LYPLA1: variants seen among roughly 807,000 people sequenced by gnomAD.
The protein encoded by LYPLA1 is lysophospholipase 1.
In LYPLA1, 17 loss-of-function variants were observed where a neutral mutation model predicts 34.0. The ratio of observed to expected loss-of-function variants is 0.50; its 90% CI spans 0.34 to 0.75. The LOEUF is 0.75. LYPLA1 is among the 30% of genes least tolerant of loss of function. LYPLA1 has a pLI of 0.01. For missense variants in LYPLA1, 203 were observed against 288.8 expected, an observed-to-expected ratio of 0.70 and a Z score of 2.15; for synonymous variants, 98 against 100.8, an observed-to-expected ratio of 0.97 and a Z score of 0.17.
chr8:54,099,119 A>G (rs1052042083), intron 2 of LYPLA1, among the ~76,000 whole-genome samples: 4 of 145,880 alleles, frequency 2.7e-5, no homozygotes, highest in African/African-American at 1.1e-4. Context: ...ATCTGCCTAG[A>G]CTGAAGTTTT....
At chr8:54,055,377 C>A (rs1346007667) in intron 5 of LYPLA1, among the ~76,000 whole-genome samples, 1 of 151,738 alleles carries the variant, frequency 6.6e-6, no homozygotes, top group Non-Finnish European at 1.5e-5. Context: ...AAATTAAATA[C>A]CTAGGAATTA....
chr8:54,092,785 C>G (rs1444605750), intron 2 of LYPLA1, among the ~76,000 whole-genome samples: 1 of 152,136 alleles, frequency 6.6e-6, no homozygotes, highest in Non-Finnish European at 1.5e-5. Context: ...AGTTTGAGAC[C>G]AGCCTAGGCA....
intron 2 of LYPLA1, among the ~76,000 whole-genome samples, chr8:54,097,130 C>G (rs1336239353): frequency 6.6e-6 from 1 of 152,040 alleles, no homozygotes; most frequent in Non-Finnish European, 1.5e-5. Context: ...CACAAAGTAT[C>G]CCCCCGCAAC....
At chr8:54,079,235 C>T (rs1586143605) in intron 2 of LYPLA1, among the ~76,000 whole-genome samples, 2 of 152,260 alleles carry the variant, frequency 1.3e-5, no homozygotes, top group South Asian at 2.1e-4. Flanking sequence ...CTACATCAGC[C>T]TCCAAAAGTG....
chr8:54,101,646 C>T lies in LYPLA1; in HGVS notation c.69+109G>A, dbSNP rs562452000. On this transcript the variant is annotated intron_variant, in intron 1 of 8. Coordinates refer to ENST00000316963, the MANE Select transcript of LYPLA1 (RefSeq NM_006330.4). ...CGCACCCCACCCGGGCCGGGAGGAGCGTCCTCGTCCGCAGGCCGCCACGCG... is the reference window on the plus strand; with the variant it reads ...CGCACCCCACCCGGGCCGGGAGGAGTGTCCTCGTCCGCAGGCCGCCACGCG... 168 of 1,151,680 alleles carry T rather than the reference C, an allele frequency of 1.5e-4. No individual in the cohort carries two copies. The African/African-American group carries it at 2.1e-3, about 14-fold the overall frequency. 71.3% of individuals were successfully genotyped at this position (1,151,680 alleles called of 1,614,324 possible).
Position 54,084,131 on chromosome 8 carries a change from A to T in LYPLA1, c.101+16777T>A, listed in dbSNP as rs536399780. Reference sequence around the variant, plus strand: ...CCAGCCTGGGAGACCAAAGAAAAAAAAAATAAATAAATATATATATATATA... The same window carrying T: ...CCAGCCTGGGAGACCAAAGAAAAAATAAATAAATAAATATATATATATATA... On this transcript the variant is annotated intron_variant, in intron 2 of 8. Transcript: ENST00000316963. Among the ~76,000 whole-genome samples the T allele has an allele frequency of 7.8e-4, 91 of 117,358 alleles. 1 individual carries two copies. The highest frequency in any genetic ancestry group is 1.0e-3 in the Non-Finnish European group (63 of 62,420). 77.0% of individuals were successfully genotyped at this position (117,358 alleles called of 152,430 possible).
chr8:54,056,533 G>C (rs138758982), intron 5 of LYPLA1, among the ~76,000 whole-genome samples: 123 of 152,226 alleles, frequency 8.1e-4, no homozygotes, highest in African/African-American at 2.7e-3. Context: ...AAAATATTTG[G>C]AAACTACCCA....
intron 2 of LYPLA1, among the ~76,000 whole-genome samples, chr8:54,075,663 C>T (rs929359012): frequency 6.6e-6 from 1 of 152,174 alleles, no homozygotes; most frequent in Admixed American, 6.5e-5. Flanking sequence ...ACACAGAGAA[C>T]AATTATACTT....
At chr8:54,060,190 A>T (rs1360245638) in intron 5 of LYPLA1, among the ~76,000 whole-genome samples, 2 of 151,816 alleles carry the variant, frequency 1.3e-5, no homozygotes, top group Non-Finnish European at 2.9e-5. Context: ...CAACAGTGGG[A>T]TCTCAGCTCA....
chr8:54,072,428 C>T (rs182917942), intron 2 of LYPLA1, among the ~76,000 whole-genome samples: 118 of 152,228 alleles, frequency 7.8e-4, no homozygotes, highest in Non-Finnish European at 1.3e-3. Context: ...GCAAAAGAAA[C>T]TATCAACAGA....
intron 5 of LYPLA1, 114 bp from the exon 6 acceptor site, chr8:54,055,247 T>C (rs780076808): frequency 1.6e-6 from 1 of 610,248 alleles, no homozygotes; most frequent in Non-Finnish European, 2.9e-6. Flanking sequence ...AAGGTGGAAA[T>C]GAGTGAAAAA....
chr8:54,065,757 C>A lies in LYPLA1; in HGVS notation c.158G>T (p.Cys53Phe). The A allele has an allele frequency of 6.2e-7, 1 of 1,613,598 alleles. No individual in the cohort carries two copies. Among genetic ancestry groups the A allele is most frequent in the Non-Finnish European group, 8.5e-7 (1 of 1,179,696 alleles). The change falls in exon 3 of 9, where the codon TGC becomes TTC. Residue 53 changes from cysteine (C) to phenylalanine (F), a missense_variant. Around this residue, in one of 3 missense-constraint regions of LYPLA1, gnomAD observed 75 missense variants for 73.5 expected, o/e 1.02. Transcript: ENST00000316963. The part of the protein sequence containing the change: ...GIRSSHIKYI[C>F]PHAPVRPVTL... The stretch of plus-strand genomic sequence containing the variant: ...GATCAGAAATACTCACGCATGCGGG[C>A]AGATATATTTGATATGTGAACTTCT...
chr8:54,050,973 T>C, intron 8 of LYPLA1, 39 bp downstream of exon 8: 1 of 1,513,764 alleles, frequency 6.6e-7, no homozygotes, highest in South Asian at 1.3e-5. Context: ...ATGAAAAAAG[T>C]TACAAATATG....
chr8:54,064,144 G>A (rs753248353), intron 3 of LYPLA1, among the ~76,000 whole-genome samples: 1 of 151,548 alleles, frequency 6.6e-6, no homozygotes, highest in Non-Finnish European at 1.5e-5. Flanking sequence ...GCCGGGCGGG[G>A]TGGGTCACGC....
chr8:54,066,846 C>T (rs1469080914), intron 2 of LYPLA1, among the ~76,000 whole-genome samples: 3 of 151,690 alleles, frequency 2.0e-5, no homozygotes. Flanking sequence ...AATCAGTTGT[C>T]TAACATCTCT....
rs186377968 is a variant in LYPLA1 at position 54,091,042 on chromosome 8, C to G, written c.101+9866G>C. ...CAGTTTCGGTAATTATTTATAGCAG[C>G]AAGAGAACTAATACACAGGGTTTTG... On this transcript the variant is annotated intron_variant, in intron 2 of 8. Coordinates refer to ENST00000316963, the MANE Select transcript of LYPLA1 (RefSeq NM_006330.4). 7.6e-4 allele frequency among the ~76,000 whole-genome samples: 116 copies of G among 152,248 alleles called. 1 individual carries two copies. The East Asian group carries it at 0.017, about 23-fold the overall frequency.
At chr8:54,064,678 A>G (rs2129334739) in intron 3 of LYPLA1, among the ~76,000 whole-genome samples, 1 of 152,302 alleles carries the variant, frequency 6.6e-6, no homozygotes, top group South Asian at 2.1e-4. Context: ...TGACATGAGT[A>G]TGTCCAATCC....
At chr8:54,053,993 T>C (rs1048240066) in intron 6 of LYPLA1, among the ~76,000 whole-genome samples, 1 of 152,152 alleles carries the variant, frequency 6.6e-6, no homozygotes, top group Non-Finnish European at 1.5e-5. Flanking sequence ...ATTATTATTA[T>C]TTTTGAGACA....
intron 2 of LYPLA1, among the ~76,000 whole-genome samples, chr8:54,095,375 C>T (rs1809604297): frequency 6.6e-6 from 1 of 152,108 alleles, no homozygotes; most frequent in Non-Finnish European, 1.5e-5. Context: ...GCAACTACCA[C>T]AACAATAGAT....
Sources: gnomAD v4.1 joint callset for allele counts (sites outside exome capture counted in the v4.1 genomes callset) on GRCh38, gnomAD v4.1.1 for gene constraint, gnomAD v4.1.1 regional missense constraint, MANE v1.5 for transcripts, NCBI Gene and HGNC (gene_info 2026-07-23, HGNC 2026-07-21) for gene names.